Variants in ALPK2 observed in about 807,000 individuals in gnomAD.
The protein encoded by ALPK2 is alpha kinase 2, also known as alpha-protein kinase 2.
In ALPK2, 127 loss-of-function variants were observed where a neutral mutation model predicts 163.1. The ratio of observed to expected loss-of-function variants is 0.78; its 90% CI spans 0.67 to 0.90. ALPK2 has a LOEUF of 0.90. Among genes scored for constraint, ALPK2 ranks in the 40% least tolerant of loss-of-function variants. The probability of loss-of-function intolerance (pLI) is 0.00; values close to 1 mark genes in which losing one functional copy is unlikely to be tolerated. For synonymous variants in ALPK2, 953 were observed against 959.1 expected (o/e 0.99, Z 0.12); for missense variants, 2,360 against 2,589.6 (o/e 0.91, Z 1.92).
intron 1 of ALPK2, among the ~76,000 whole-genome samples, chr18:58,620,927 G>A (rs562989471): frequency 1.3e-5 from 2 of 152,266 alleles, no homozygotes; most frequent in Admixed American, 1.3e-4. Context: ...AGGCCGAGGT[G>A]GGTGGATCGC....
At chr18:58,561,646 G>A (rs932069168) in intron 4 of ALPK2, among the ~76,000 whole-genome samples, 1 of 152,162 alleles carries the variant, frequency 6.6e-6, no homozygotes, top group Admixed American at 6.5e-5. Flanking sequence ...CTGATCACTG[G>A]GGATCCTCTA....
At chr18:58,490,827 CGAA>C (rs2051370703) in intron 12 of ALPK2, among the ~76,000 whole-genome samples, 1 of 152,020 alleles carries the variant, frequency 6.6e-6, no homozygotes, top group Non-Finnish European at 1.5e-5. Flanking sequence ...ACAGGAGTCC[CGAA>C]GAAGAGAGCT....
In ALPK2 at chr18:58,490,969, C is replaced by T. The variant is rs551838872; in HGVS notation, c.6296+7080G>A. ...CATTCGTTAGTATCTGAAATGGAAACGAATTGAAGACAAAGAACCGAGGAG... is the reference window on the plus strand; with the variant it reads ...CATTCGTTAGTATCTGAAATGGAAATGAATTGAAGACAAAGAACCGAGGAG... On this transcript the variant is annotated intron_variant, in intron 12 of 12. Transcript: ENST00000361673. Among the ~76,000 whole-genome samples the T allele has an allele frequency of 1.2e-4, 18 of 152,256 alleles. No individual in the cohort carries two copies. The East Asian group carries it at 1.9e-3, about 16-fold the overall frequency.
In ALPK2 at chr18:58,579,904, G is replaced by A; in HGVS notation, c.872C>T (p.Ala291Val). 1.2e-6 allele frequency: 2 copies of A among 1,614,168 alleles called. No homozygotes were observed. The highest frequency in any genetic ancestry group is 1.7e-6 in the Non-Finnish European group (2 of 1,180,038). ...AAGCTGTGGGCTGGGTTGTTTGTTG[G>A]CCACGGCACTGTCACCTGGGTAAAT... is the stretch of plus-strand genomic sequence containing the variant. The part of the protein sequence containing the change: ...AHIYPGDSAV[A>V]NKQPSPQLSS... Residue 291 changes from alanine to valine, a missense_variant, in exon 4 of 13, where the codon GCC becomes GTC. Transcript: ENST00000361673.
chr18:58,574,482 G>C (rs2051908831), intron 4 of ALPK2, among the ~76,000 whole-genome samples: 1 of 151,622 alleles, frequency 6.6e-6, no homozygotes, highest in Non-Finnish European at 1.5e-5. Context: ...TTTAGAACAG[G>C]GGTCCCCAAC....
intron 8 of ALPK2, among the ~76,000 whole-genome samples, chr18:58,519,597 A>G (rs1214964204): frequency 1.3e-5 from 2 of 152,250 alleles, no homozygotes; most frequent in East Asian, 3.8e-4. Flanking sequence ...TGGTATAATT[A>G]ACAACCCTGT....
rs2051949896 is a variant in ALPK2, at chr18:58,580,181, T to C, written c.595A>G (p.Thr199Ala). The C allele has an allele frequency of 1.9e-6, 3 of 1,614,126 alleles. No homozygotes were observed. Among genetic ancestry groups the C allele is most frequent in the African/African-American group, 2.7e-5 (2 of 74,934 alleles). Reference sequence around the variant, plus strand: ...TTACTTGGATCATAAGCCTCTCCAGTGTGCCTTGTTCCTTTAACACCCAAA... The same window carrying C: ...TTACTTGGATCATAAGCCTCTCCAGCGTGCCTTGTTCCTTTAACACCCAAA... ...NPLGVKGTRH[T>A]GEAYDPSNTE... Residue 199 changes from threonine (T) to alanine (A), a missense_variant, in exon 4 of 13, where the codon ACT (threonine) becomes GCT (alanine). Coordinates refer to ENST00000361673, the MANE Select transcript of ALPK2 (RefSeq NM_052947.4).
chr18:58,530,273 T>C (rs1162070515), intron 5 of ALPK2, among the ~76,000 whole-genome samples: 2 of 152,168 alleles, frequency 1.3e-5, no homozygotes, highest in African/African-American at 4.8e-5. Context: ...ACCCTGGAAG[T>C]GATAATGGGC....
At chr18:58,622,683 G>A (rs1329307011) in intron 1 of ALPK2, among the ~76,000 whole-genome samples, 2 of 152,140 alleles carry the variant, frequency 1.3e-5, no homozygotes, top group African/African-American at 2.4e-5. Flanking sequence ...AATGTCATGG[G>A]CCGACTGCTC....
intron 10 of ALPK2, among the ~76,000 whole-genome samples, chr18:58,504,879 T>G (rs376435101): frequency 1.1e-4 from 16 of 152,132 alleles, no homozygotes; most frequent in African/African-American, 3.6e-4. Context: ...ACATCGACGG[T>G]AGAGCATTCC....
chr18:58,523,801 C>T lies in ALPK2; in HGVS notation c.5665+5G>A. 6.2e-7 allele frequency: 1 copy of T among 1,614,198 alleles called. No individual in the cohort carries two copies. Among genetic ancestry groups the T allele is most frequent in the Non-Finnish European group, 8.5e-7 (1 of 1,180,022 alleles). On this transcript the variant is annotated splice_donor_5th_base_variant and intron_variant, in intron 8 of 12. Coordinates refer to ENST00000361673, the MANE Select transcript of ALPK2 (RefSeq NM_052947.4). ...CCTCTGGCAGGTCAACCCTAACTGA[C>T]TTACCTTTAGTATCCTGGCGACTTG...
chr18:58,602,416 T>C (rs1345594381), intron 3 of ALPK2, among the ~76,000 whole-genome samples: 1 of 152,172 alleles, frequency 6.6e-6, no homozygotes, highest in Non-Finnish European at 1.5e-5. Flanking sequence ...AAAATCAAGT[T>C]GTCGTCAAGC....
chr18:58,481,707 G>A lies in ALPK2; in HGVS notation c.*116C>T. On this transcript the variant is annotated 3_prime_UTR_variant, in exon 13 of 13. Coordinates refer to ENST00000361673, the MANE Select transcript of ALPK2 (RefSeq NM_052947.4). Reference sequence around the variant, plus strand: ...AGCATCTTGGCGCACAGTCGGCTGGGAGTAAGGATTGCCACGCACTCTCTG... The same window carrying A: ...AGCATCTTGGCGCACAGTCGGCTGGAAGTAAGGATTGCCACGCACTCTCTG... The A allele has an allele frequency of 1.3e-6, 1 of 791,560 alleles. No homozygotes were observed. The highest frequency in any genetic ancestry group is 2.4e-5 in the Admixed American group (1 of 41,994). The allele number at this position is 791,560 out of a possible 1,614,324, so 49.0% of individuals were successfully genotyped here.
chr18:58,578,023 T>C (rs977093610), intron 4 of ALPK2: 1 of 152,214 alleles, frequency 6.6e-6, no homozygotes, highest in Non-Finnish European at 1.5e-5. Context: ...TTGGGACCCT[T>C]TGAAACTGAA....
At chr18:58,507,105 G>A (rs895007507) in intron 10 of ALPK2, among the ~76,000 whole-genome samples, 1 of 152,180 alleles carries the variant, frequency 6.6e-6, no homozygotes, top group African/African-American at 2.4e-5. Flanking sequence ...GACTTTTGAT[G>A]TTCATTAATT....
At chr18:58,511,163 G>A (rs1312933821) in intron 10 of ALPK2, among the ~76,000 whole-genome samples, 1 of 152,072 alleles carries the variant, frequency 6.6e-6, no homozygotes, top group East Asian at 1.9e-4. Context: ...TTTGTTGTTG[G>A]TTCTGTTTAT....
rs566609060 is a variant in ALPK2 at position 58,498,561 on chromosome 18, G to A, written c.6248-464C>T. On this transcript the variant is annotated intron_variant, in intron 11 of 12. Coordinates refer to ENST00000361673, the MANE Select transcript of ALPK2 (RefSeq NM_052947.4). ...GATAGTCAATGCCAATAGCAAGAGGGTTTGATATGGTTTGGCCATGTCCCC... is the reference window on the plus strand; with the variant it reads ...GATAGTCAATGCCAATAGCAAGAGGATTTGATATGGTTTGGCCATGTCCCC... Among the ~76,000 whole-genome samples the A allele has an allele frequency of 3.9e-5, 6 of 152,312 alleles. No homozygotes were observed. In the South Asian group the frequency reaches 1.2e-3, roughly 32 times the overall value.
At chr18:58,559,131 G>A (rs1234739502) in intron 4 of ALPK2, among the ~76,000 whole-genome samples, 4 of 152,162 alleles carry the variant, frequency 2.6e-5, no homozygotes, top group Admixed American at 2.6e-4. Flanking sequence ...GATTAGTGAT[G>A]GTATATAATC....
chr18:58,551,772 C>A (rs958623683), intron 4 of ALPK2, among the ~76,000 whole-genome samples: 3 of 152,206 alleles, frequency 2.0e-5, no homozygotes, highest in Non-Finnish European at 2.9e-5. Context: ...CTGTGCTAAG[C>A]AAAATCTGTC....
Sources: gnomAD v4.1 joint callset for allele counts (sites outside exome capture counted in the v4.1 genomes callset) on GRCh38, gnomAD v4.1.1 for gene constraint, MANE v1.5 for transcripts, NCBI Gene and HGNC (gene_info 2026-07-23, HGNC 2026-07-21) for gene names.